RAP1GAP2: variants seen among roughly 807,000 people sequenced by gnomAD.
The protein encoded by RAP1GAP2 is RAP1 GTPase activating protein 2, also known as rap1 GTPase-activating protein 2.
In RAP1GAP2, 27 loss-of-function variants were observed where a neutral mutation model predicts 95.0. The observed-to-expected ratio is 0.28, with a 90% CI of 0.21 to 0.39. RAP1GAP2 has a LOEUF of 0.39. Ranked by LOEUF, RAP1GAP2 falls within the 10% of genes least tolerant of loss-of-function variation. RAP1GAP2 has a pLI of 1.00. For synonymous variants in RAP1GAP2, 373 were observed against 380.9 expected, an observed-to-expected ratio of 0.98 and a Z score of 0.24; for missense variants, 771 against 970.0, an observed-to-expected ratio of 0.79 and a Z score of 2.72.
chr17:2,877,993 C>A (rs2073154564), intron 2 of RAP1GAP2, among the ~76,000 whole-genome samples: 1 of 152,042 alleles, frequency 6.6e-6, no homozygotes, highest in South Asian at 2.1e-4. Flanking sequence ...ATTGACTGAG[C>A]TGAGAGACGT....
At chr17:2,958,939 C>T (rs12601075) in intron 4 of RAP1GAP2, among the ~76,000 whole-genome samples, 18,004 of 152,044 alleles carry the variant, frequency 0.12, 1,133 homozygotes, top group South Asian at 0.18. Flanking sequence ...CGCCCAGCAG[C>T]GTGTAGATGA....
chr17:2,907,320 G>A (rs1468526381), intron 3 of RAP1GAP2, among the ~76,000 whole-genome samples: 2 of 152,204 alleles, frequency 1.3e-5, no homozygotes, highest in Admixed American at 6.5e-5. Context: ...GGGAAGGGAT[G>A]CGGGGCAGGC....
intron 8 of RAP1GAP2, among the ~76,000 whole-genome samples, chr17:2,972,562 C>CACT (rs1284588999): frequency 8.1e-6 from 1 of 123,594 alleles, no homozygotes; most frequent in Non-Finnish European, 1.6e-5. Flanking sequence ...TGTGCCATTG[C>CACT]ACTACAGCCT....
At chr17:2,947,384 C>A (rs1001938165) in intron 3 of RAP1GAP2, among the ~76,000 whole-genome samples, 3 of 152,080 alleles carry the variant, frequency 2.0e-5, no homozygotes, top group African/African-American at 7.2e-5. Flanking sequence ...GTGGTCAGAG[C>A]ACAGACAGCT....
chr17:2,980,344 C>T lies in RAP1GAP2; in HGVS notation c.654C>T (p.Pro218=), dbSNP rs779221066. ...CCTTGGCTGGACTGAGCAAGCTTCC[C>T]AGTGTCCCTCAGATTGCAAAGGTGA... ...RIPLAGLSKL[P]SVPQIAKAFC... Residue 218 remains proline, a synonymous_variant, in exon 9 of 25, where the codon CCC becomes CCT. Transcript: ENST00000254695. The T allele has an allele frequency of 5.9e-5, 95 of 1,613,776 alleles. No individual in the cohort carries two copies. The highest frequency in any genetic ancestry group is 7.6e-5 in the Non-Finnish European group (90 of 1,179,868).
At chr17:2,969,183 A>ATCTATCTATC (rs1309428763) in intron 8 of RAP1GAP2, among the ~76,000 whole-genome samples, 1,672 of 73,190 alleles carry the variant, frequency 0.023, 17 homozygotes, top group Middle Eastern at 0.043. Flanking sequence ...ATCTATCTAT[A>ATCTATCTATC]TATATATATA....
At chr17:2,989,254 A>G (rs573308374) in intron 11 of RAP1GAP2, among the ~76,000 whole-genome samples, 103 of 152,080 alleles carry the variant, frequency 6.8e-4, no homozygotes, top group African/African-American at 2.4e-3. Context: ...TTTAATTTGC[A>G]TTTCTCTAAT....
chr17:2,987,557 C>A (rs2045598871), intron 11 of RAP1GAP2, among the ~76,000 whole-genome samples: 1 of 151,998 alleles, frequency 6.6e-6, no homozygotes, highest in East Asian at 1.9e-4. Context: ...GACGGGGTTT[C>A]ACCGTGTTGG....
chr17:2,782,682 A>G (rs1352001320), intron 1 of RAP1GAP2, among the ~76,000 whole-genome samples: 1 of 152,100 alleles, frequency 6.6e-6, no homozygotes, highest in Non-Finnish European at 1.5e-5. Flanking sequence ...CCTCAGAACA[A>G]TCCCATCCCA....
At chr17:2,783,216 T>C (rs1306757735) in intron 1 of RAP1GAP2, among the ~76,000 whole-genome samples, 1 of 152,092 alleles carries the variant, frequency 6.6e-6, no homozygotes, top group African/African-American at 2.4e-5. Flanking sequence ...GTCTTGGCAG[T>C]CTCCCTCTCA....
chr17:2,969,310 ACC>A (rs1402639740), intron 8 of RAP1GAP2, among the ~76,000 whole-genome samples: 2 of 151,744 alleles, frequency 1.3e-5, no homozygotes, highest in Non-Finnish European at 2.9e-5. Context: ...TTTTCTGTGG[ACC>A]TGCTACATCA....
chr17:2,930,622 A>G (rs767424320), intron 3 of RAP1GAP2, among the ~76,000 whole-genome samples: 6 of 152,164 alleles, frequency 3.9e-5, no homozygotes, highest in Non-Finnish European at 7.3e-5. Context: ...AAACACACGC[A>G]CAGAGGCATC....
At chr17:2,929,795 A>G (rs1287620238) in intron 3 of RAP1GAP2, among the ~76,000 whole-genome samples, 1 of 152,126 alleles carries the variant, frequency 6.6e-6, no homozygotes, top group Non-Finnish European at 1.5e-5. Context: ...AGGCTGCCTG[A>G]TAGTTCCAGG....
chr17:2,840,193 A>G (rs1286810403), intron 2 of RAP1GAP2, among the ~76,000 whole-genome samples: 7 of 150,342 alleles, frequency 4.7e-5, no homozygotes, highest in Non-Finnish European at 1.0e-4. Flanking sequence ...GTCTCACTCC[A>G]TCTCACTCCA....
chr17:2,893,277 G>A (rs533835571), intron 2 of RAP1GAP2, among the ~76,000 whole-genome samples: 3 of 152,246 alleles, frequency 2.0e-5, no homozygotes, highest in African/African-American at 7.2e-5. Context: ...CTGACCTCAG[G>A]TGATCTGCCT....
intron 1 of RAP1GAP2, among the ~76,000 whole-genome samples, chr17:2,761,817 C>T (rs563059527): frequency 3.3e-5 from 5 of 152,012 alleles, no homozygotes; most frequent in Admixed American, 2.6e-4. Flanking sequence ...ACGAAGGTTC[C>T]GGTTTTTCCA....
chr17:2,891,824 T>C (rs1211277958), intron 2 of RAP1GAP2, among the ~76,000 whole-genome samples: 1 of 91,160 alleles, frequency 1.1e-5, no homozygotes, highest in African/African-American at 4.2e-5. Context: ...CTTTTTTTTT[T>C]TTTTTTTTTT....
intron 8 of RAP1GAP2, among the ~76,000 whole-genome samples, chr17:2,970,587 T>G (rs1417856224): frequency 6.6e-6 from 1 of 152,224 alleles, no homozygotes; most frequent in Admixed American, 6.5e-5. Flanking sequence ...GCCCGTCTGA[T>G]AGATGAGAAT....
chr17:2,792,500 G>A (rs893967233), upstream of RAP1GAP2, among the ~76,000 whole-genome samples: 1 of 152,172 alleles, frequency 6.6e-6, no homozygotes, highest in African/African-American at 2.4e-5. Flanking sequence ...AAGGCCCTAG[G>A]AAGACTCTCA....
Sources: gnomAD v4.1 joint callset for allele counts (sites outside exome capture counted in the v4.1 genomes callset) on GRCh38, gnomAD v4.1.1 for gene constraint, MANE v1.5 for transcripts, NCBI Gene and HGNC (gene_info 2026-07-23, HGNC 2026-07-21) for gene names.